The following ZHX3 variants were observed in gnomAD, a reference collection of about 807,000 sequenced individuals.
ZHX3 encodes the protein zinc fingers and homeoboxes protein 3.
ZHX3 carries 20 observed loss-of-function variants against 64.5 expected under a neutral mutation model. That is an observed-to-expected ratio of 0.31 (90% confidence interval 0.22 to 0.45). The LOEUF (loss-of-function observed/expected upper bound fraction) is 0.45. Ranked by LOEUF, ZHX3 falls within the 20% of genes least tolerant of loss-of-function variation. The pLI, the probability that ZHX3 is intolerant of heterozygous loss-of-function variation, is 1.00. For missense variants in ZHX3, 1,041 were observed against 1,195.8 expected (o/e 0.87, Z 1.91); for synonymous variants, 423 against 461.6 (o/e 0.92, Z 1.07).
At chr20:41,236,083 C>T (rs2040963843) in intron 2 of ZHX3, among the ~76,000 whole-genome samples, 1 of 152,100 alleles carries the variant, frequency 6.6e-6, no homozygotes, top group Admixed American at 6.5e-5. Context: ...AGGACCTCTT[C>T]AAGGAGAACT....
Position 41,204,160 on chromosome 20 carries a change from C to A in ZHX3, c.757G>T (p.Ala253Ser), listed in dbSNP as rs368477337. 1.9e-6 allele frequency: 3 copies of A among 1,607,348 alleles called. No homozygotes were observed. Among genetic ancestry groups the A allele is most frequent in the Non-Finnish European group, 2.5e-6 (3 of 1,176,784 alleles). ...SASSAKNPHA[A>S]NGPLIGTVPV... ...ACTGTTCCTATCAGGGGCCCGTTGG[C>A]GGCATGGGGGTTTTTTGCAGAGCTG... The change falls in exon 3 of 4, where the codon GCC becomes TCC. Residue 253 changes from alanine to serine, a missense_variant. This residue lies in a region of ZHX3 where 358 missense variants were observed against 369.1 expected (regional missense o/e 0.97). Coordinates refer to ENST00000683867, the MANE Select transcript of ZHX3 (RefSeq NM_001384317.1). The surrounding 1 kb of genome is among the most constrained non-coding windows in gnomAD (Gnocchi z 6.6).
chr20:41,252,900 C>T (rs1440907586), intron 2 of ZHX3, among the ~76,000 whole-genome samples: 2 of 152,148 alleles, frequency 1.3e-5, no homozygotes, highest in Non-Finnish European at 2.9e-5. Context: ...AAGATGCCTC[C>T]TTGTTGATGT....
intron 2 of ZHX3, among the ~76,000 whole-genome samples, chr20:41,242,200 C>T (rs2041426778): frequency 6.6e-6 from 1 of 152,170 alleles, no homozygotes; most frequent in Admixed American, 6.5e-5. Context: ...TTTATTTTCT[C>T]ATTTAATTTG....
At chr20:41,307,917 T>C (rs2045025655) in intron 1 of ZHX3, among the ~76,000 whole-genome samples, 1 of 152,314 alleles carries the variant, frequency 6.6e-6, no homozygotes, top group Non-Finnish European at 1.5e-5. Context: ...CTCGACTTTT[T>C]AAAAAGTTCC....
chr20:41,310,118 C>G (rs909551834), intron 1 of ZHX3, among the ~76,000 whole-genome samples: 4 of 152,216 alleles, frequency 2.6e-5, no homozygotes, highest in Admixed American at 6.5e-5. Context: ...CCCAGTTCCT[C>G]TGCTCCACTG....
chr20:41,222,625 A>T (rs2040019347), intron 2 of ZHX3, among the ~76,000 whole-genome samples: 1 of 152,220 alleles, frequency 6.6e-6, no homozygotes, highest in African/African-American at 2.4e-5. Flanking sequence ...AGAGCCAAGT[A>T]GTTAGAAATT....
intron 2 of ZHX3, among the ~76,000 whole-genome samples, chr20:41,252,400 C>G (rs1244466729): frequency 6.6e-6 from 1 of 152,170 alleles, no homozygotes; most frequent in Non-Finnish European, 1.5e-5. Context: ...CGCCACTGAG[C>G]TAGTTCCTGT....
intron 2 of ZHX3, among the ~76,000 whole-genome samples, chr20:41,245,952 C>A (rs1173493813): frequency 6.6e-6 from 1 of 152,196 alleles, no homozygotes; most frequent in Non-Finnish European, 1.5e-5. Context: ...TAATTACAGC[C>A]TTCAATGCTG....
Position 41,185,204 on chromosome 20 carries a change from G to A in ZHX3, c.2861-3C>T. On this transcript the variant is annotated splice_region_variant and splice_polypyrimidine_tract_variant and intron_variant, in intron 3 of 3. Coordinates refer to ENST00000683867, the MANE Select transcript of ZHX3 (RefSeq NM_001384317.1). The surrounding 1 kb of genome is among the most constrained non-coding windows in gnomAD (Gnocchi z 5.0). ...ATCAGATCAAATTCAGTCTGTTTCT[G>A]AGAAGAAAACACATGCCTGTCACTC... 1 of 1,606,734 alleles carries A rather than the reference G, an allele frequency of 6.2e-7. No homozygotes were observed. Among genetic ancestry groups the A allele is most frequent in the Non-Finnish European group, 8.5e-7 (1 of 1,175,590 alleles).
At chr20:41,281,937 G>A (rs946796935) in intron 1 of ZHX3, among the ~76,000 whole-genome samples, 1 of 152,194 alleles carries the variant, frequency 6.6e-6, no homozygotes, top group Non-Finnish European at 1.5e-5. Flanking sequence ...AGAAGTCCTG[G>A]GCTATGATGA....
At chr20:41,206,953 G>A (rs573937769) in intron 2 of ZHX3, among the ~76,000 whole-genome samples, 9 of 152,142 alleles carry the variant, frequency 5.9e-5, no homozygotes, top group African/African-American at 2.2e-4. Flanking sequence ...CGGATCTCTC[G>A]GCAGAAACTC....
At position 41,202,858 on chromosome 20, in the gene ZHX3, C is replaced by T; in HGVS notation, c.2059G>A (p.Ala687Thr). ...ENASQEEEEA[A>T]EDEGGEEDLA... ...TCCTCTTCTCCACCCTCATCCTCAGCAGCCTCCTCTTCCTCCTGAGAGGCA... is the reference window on the plus strand; with the variant it reads ...TCCTCTTCTCCACCCTCATCCTCAGTAGCCTCCTCTTCCTCCTGAGAGGCA... The change falls in exon 3 of 4, where the codon GCT (alanine) becomes ACT (threonine). Residue 687 changes from alanine to threonine, a missense_variant. Transcript: ENST00000683867. This position sits in a 1 kb window ranked among gnomAD's most constrained non-coding sequence, Gnocchi z 7.0. 2 of 1,614,204 alleles carry T rather than the reference C, an allele frequency of 1.2e-6. No individual in the cohort carries two copies. Among genetic ancestry groups the T allele is most frequent in the Non-Finnish European group, 1.7e-6 (2 of 1,180,040 alleles).
chr20:41,220,982 C>A (rs2039905268), intron 2 of ZHX3, among the ~76,000 whole-genome samples: 1 of 152,046 alleles, frequency 6.6e-6, no homozygotes, highest in African/African-American at 2.4e-5. Flanking sequence ...GCCACTGTGC[C>A]CAGCCGACAC....
At chr20:41,214,386 A>C (rs559969419) in intron 2 of ZHX3, among the ~76,000 whole-genome samples, 1 of 152,354 alleles carries the variant, frequency 6.6e-6, no homozygotes, top group Admixed American at 6.5e-5. Context: ...TGGAGCGCAC[A>C]CAACTGGGAG....
chr20:41,227,519 G>T lies in ZHX3; in HGVS notation c.-150-22453C>A, dbSNP rs140394250. On this transcript the variant is annotated intron_variant, in intron 2 of 3. Transcript: ENST00000683867. ...AGTGTGCATGAACCCACACTCACCA[G>T]TGATACACTCAGGAGAGTACTGGGG... Among the ~76,000 whole-genome samples the T allele has an allele frequency of 4.0e-3, 608 of 152,298 alleles. 8 individuals carry two copies. Among genetic ancestry groups the T allele is most frequent in the East Asian group, 0.023 (117 of 5,184 alleles).
chr20:41,287,441 C>G (rs533864695), intron 1 of ZHX3, among the ~76,000 whole-genome samples: 1 of 152,158 alleles, frequency 6.6e-6, no homozygotes, highest in African/African-American at 2.4e-5. Context: ...GGTATTCATG[C>G]TTTTGTGAAA....
At chr20:41,298,158 C>G (rs986305222) in intron 1 of ZHX3, among the ~76,000 whole-genome samples, 1 of 152,048 alleles carries the variant, frequency 6.6e-6, no homozygotes, top group African/African-American at 2.4e-5. Context: ...AGAGCATTAC[C>G]CAGCAGGAAG....
chr20:41,297,236 G>A (rs1478048087), intron 1 of ZHX3, among the ~76,000 whole-genome samples: 1 of 152,194 alleles, frequency 6.6e-6, no homozygotes, highest in East Asian at 1.9e-4. Flanking sequence ...CCCAAGTATT[G>A]ATGATTCAAA....
Position 41,257,609 on chromosome 20 carries a change from T to C in ZHX3, c.-151+11381A>G, listed in dbSNP as rs540184268. ...TCTTGTCAGGATTTGTTTTCTTTTC[T>C]TTCTTTTTTTTTTTTTTTTTGAGAC... On this transcript the variant is annotated intron_variant, in intron 2 of 3. Transcript: ENST00000683867. Among the ~76,000 whole-genome samples, 11 of 151,294 alleles carry C rather than the reference T, an allele frequency of 7.3e-5. 1 individual carries two copies. The South Asian group carries it at 1.9e-3, about 26-fold the overall frequency.
Sources: gnomAD v4.1 joint callset for allele counts (sites outside exome capture counted in the v4.1 genomes callset) on GRCh38, gnomAD v4.1.1 for gene constraint, gnomAD v4.1.1 regional missense constraint, Gnocchi (gnomAD v3.1) non-coding constraint, MANE v1.5 for transcripts, NCBI Gene and HGNC (gene_info 2026-07-23, HGNC 2026-07-21) for gene names.